MND1: variants seen among roughly 807,000 people sequenced by gnomAD.
MND1 encodes the protein meiotic nuclear divisions 1.
Under a neutral mutation model 35.1 loss-of-function variants are expected in MND1, and 28 were observed. The observed-to-expected ratio is 0.80, with a 90% CI of 0.59 to 1.09. The LOEUF is 1.09. Among genes scored for constraint, MND1 ranks in the 50% least tolerant of loss-of-function variants. The pLI is 0.00. For synonymous variants in MND1, 69 were observed against 70.5 expected (o/e 0.98, Z 0.11); for missense variants, 213 against 239.6 (o/e 0.89, Z 0.73).
At position 153,415,041 on chromosome 4, in the gene MND1, C is replaced by T. The variant is rs145023487; in HGVS notation, c.*184C>T. On this transcript the variant is annotated 3_prime_UTR_variant, in exon 8 of 8. Coordinates refer to ENST00000240488, the MANE Select transcript of MND1 (RefSeq NM_032117.4). ...GGTAGAACAAAAGCAGGATGATAAC[C>T]ATATCCCCCCAGTGCTCATCAAAGT... is the stretch of plus-strand genomic sequence containing the variant. The T allele has an allele frequency of 1.6e-3, 597 of 369,488 alleles. 7 individuals are homozygous for T. The highest frequency in any genetic ancestry group is 0.016 in the East Asian group (371 of 23,528). The allele number at this position is 369,488 out of a possible 1,614,324, so 22.9% of individuals were successfully genotyped here.
chr4:153,348,581 A>G (rs1773131274), intron 1 of MND1, among the ~76,000 whole-genome samples: 1 of 152,122 alleles, frequency 6.6e-6, no homozygotes, highest in Non-Finnish European at 1.5e-5. Flanking sequence ...ACTTTAAGCT[A>G]TTTATTTACC....
At chr4:153,377,516 A>G (rs1005896230) in intron 4 of MND1, among the ~76,000 whole-genome samples, 3 of 152,184 alleles carry the variant, frequency 2.0e-5, no homozygotes, top group Admixed American at 1.3e-4. Context: ...TGAATTAGGT[A>G]GTTTCTGTTC....
intron 4 of MND1, among the ~76,000 whole-genome samples, chr4:153,373,987 T>C (rs1379433818): frequency 6.6e-6 from 1 of 152,134 alleles, no homozygotes; most frequent in Non-Finnish European, 1.5e-5. Flanking sequence ...GAAAGAGTAG[T>C]AGTTAGAAAG....
intron 4 of MND1, chr4:153,363,113 C>G (rs1773537719): frequency 1.7e-6 from 1 of 584,822 alleles, no homozygotes; most frequent in African/African-American, 2.0e-5. Flanking sequence ...TCTCATGACC[C>G]TTCACACCTG....
intron 6 of MND1, among the ~76,000 whole-genome samples, chr4:153,407,461 C>CA (rs1017380736): frequency 1.0e-4 from 15 of 149,094 alleles, no homozygotes; most frequent in South Asian, 2.1e-4. Flanking sequence ...AACTCCATCT[C>CA]AAAAAAAAAT....
At chr4:153,367,107 A>G (rs1465874377) in intron 4 of MND1, among the ~76,000 whole-genome samples, 1 of 151,830 alleles carries the variant, frequency 6.6e-6, no homozygotes, top group Non-Finnish European at 1.5e-5. Context: ...AAAAGTGCTC[A>G]CCTTATCTCT....
intron 4 of MND1, among the ~76,000 whole-genome samples, chr4:153,361,841 GAAAA>G (rs58481872): frequency 6.7e-6 from 1 of 148,196 alleles, no homozygotes; most frequent in South Asian, 2.1e-4. Flanking sequence ...CAAAAAAAAA[GAAAA>G]AAAAAAGAAA....
chr4:153,365,651 G>C (rs6854229), intron 4 of MND1, among the ~76,000 whole-genome samples: 10,282 of 151,940 alleles, frequency 0.068, 468 homozygotes, highest in South Asian at 0.13. Context: ...CCAGGCTGGA[G>C]TGCAGGGGCA....
intron 4 of MND1, among the ~76,000 whole-genome samples, chr4:153,379,590 G>A (rs1210741267): frequency 6.6e-6 from 1 of 151,642 alleles, no homozygotes; most frequent in Non-Finnish European, 1.5e-5. Flanking sequence ...GGTGGCTCAC[G>A]CCTGTAATCC....
At chr4:153,371,027 C>A (rs1349814109) in intron 4 of MND1, among the ~76,000 whole-genome samples, 1 of 152,072 alleles carries the variant, frequency 6.6e-6, no homozygotes, top group Non-Finnish European at 1.5e-5. Context: ...ACGTTAATCT[C>A]CTTGTATATC....
chr4:153,403,957 A>G (rs1037438824), intron 6 of MND1, among the ~76,000 whole-genome samples: 1 of 151,988 alleles, frequency 6.6e-6, no homozygotes, highest in Non-Finnish European at 1.5e-5. Context: ...GGATTTCACC[A>G]TGTTACTCAG....
intron 2 of MND1, among the ~76,000 whole-genome samples, chr4:153,352,078 G>C (rs1425496926): frequency 6.6e-6 from 1 of 152,182 alleles, no homozygotes; most frequent in Non-Finnish European, 1.5e-5. Flanking sequence ...AACTCATAGA[G>C]AGGGTAGGAA....
Position 153,377,312 on chromosome 4 carries a change from T to A in MND1, c.277-16950T>A, listed in dbSNP as rs563043061. Among the ~76,000 whole-genome samples, 23 of 152,338 alleles carry A rather than the reference T, an allele frequency of 1.5e-4. 1 individual carries two copies. Among genetic ancestry groups the A allele is most frequent in the African/African-American group, 5.5e-4 (23 of 41,588 alleles). On this transcript the variant is annotated intron_variant, in intron 4 of 7. Coordinates refer to ENST00000240488, the MANE Select transcript of MND1 (RefSeq NM_032117.4). ...TTTGTTTTGTTTTGTTACCAATTTTTAGAAGTGAATATATACAGTTCTTTA... is the reference window on the plus strand; with the variant it reads ...TTTGTTTTGTTTTGTTACCAATTTTAAGAAGTGAATATATACAGTTCTTTA...
chr4:153,408,494 A>G (rs1315038590), intron 6 of MND1, among the ~76,000 whole-genome samples: 1 of 152,162 alleles, frequency 6.6e-6, no homozygotes, highest in African/African-American at 2.4e-5. Flanking sequence ...AAAAGTAAAT[A>G]CTTCCCGCTA....
At chr4:153,345,445 T>G (rs1773051639) in intron 1 of MND1, 1 of 985,386 alleles carries the variant, frequency 1.0e-6, no homozygotes, top group Non-Finnish European at 1.2e-6. Flanking sequence ...GCGCTGTTGC[T>G]TTTTTAAGGA....
chr4:153,406,473 G>T (rs1579956881), intron 6 of MND1, among the ~76,000 whole-genome samples: 2 of 152,074 alleles, frequency 1.3e-5, no homozygotes, highest in African/African-American at 4.8e-5. Flanking sequence ...AGTGAGCCAA[G>T]ATTGTACCAC....
Position 153,385,730 on chromosome 4 carries a change from A to AG in MND1, c.277-8532_277-8531insG, listed in dbSNP as rs1417328555. The stretch of plus-strand genomic sequence containing the variant: ...GACCCTGTCTCAAAAAAAAAAAAAA[A>AG]AAAAGAAAAGAAAATGGTAGAGCAT... On this transcript the variant is annotated intron_variant, in intron 4 of 7. Transcript: ENST00000240488. Among the ~76,000 whole-genome samples, 1,084 of 150,738 alleles carry AG rather than the reference A, an allele frequency of 7.2e-3. 11 individuals are homozygous for AG. Among genetic ancestry groups the AG allele is most frequent in the African/African-American group, 0.025 (1,001 of 40,610 alleles).
At chr4:153,374,783 A>G (rs193286541) in intron 4 of MND1, among the ~76,000 whole-genome samples, 243 of 152,138 alleles carry the variant, frequency 1.6e-3, no homozygotes, top group African/African-American at 5.6e-3. Flanking sequence ...GTTGATTATT[A>G]TTAAATACAG....
At chr4:153,404,174 CTTTTTTTTTTTT>C (rs71598277) in intron 6 of MND1, among the ~76,000 whole-genome samples, 6 of 73,778 alleles carry the variant, frequency 8.1e-5, no homozygotes, top group East Asian at 7.6e-4. Flanking sequence ...AAAATTGGTT[CTTTTTTTTTTTT>C]TTTTTTTTTT....
Sources: allele counts gnomAD v4.1 joint callset (sites outside exome capture counted in the v4.1 genomes callset), GRCh38; gene constraint gnomAD v4.1.1; transcripts MANE v1.5; gene names NCBI Gene and HGNC (gene_info 2026-07-23, HGNC 2026-07-21).